Variants in LNX1 observed in about 807,000 individuals in gnomAD.
The protein encoded by LNX1 is E3 ubiquitin-protein ligase LNX.
Under a neutral mutation model 68.4 loss-of-function variants are expected in LNX1, and 54 were observed. That is an observed-to-expected ratio of 0.79 (90% CI 0.63 to 0.99). LNX1 has a LOEUF of 0.99. Among genes scored for constraint, LNX1 ranks in the 50% least tolerant of loss-of-function variants. The pLI, the probability that LNX1 is intolerant of heterozygous loss-of-function variation, is 0.00. For synonymous variants in LNX1, 336 were observed against 350.0 expected, an observed-to-expected ratio of 0.96 and a Z score of 0.45; for missense variants, 906 against 926.4, an observed-to-expected ratio of 0.98 and a Z score of 0.29.
In LNX1 at chr4:53,574,029, A is replaced by T; in HGVS notation, c.-27T>A. 6.3e-7 allele frequency: 1 copy of T among 1,579,930 alleles called. No homozygotes were observed. Among genetic ancestry groups the T allele is most frequent in the Non-Finnish European group, 8.6e-7 (1 of 1,161,738 alleles). ...ATGGATTGGAGAGCAGTATAACAGG[A>T]AACTCAGTCACACAATATTTCCTCA... On this transcript the variant is annotated 5_prime_UTR_variant, in exon 2 of 11. Transcript: ENST00000263925.
intron 2 of LNX1, among the ~76,000 whole-genome samples, chr4:53,606,364 C>G (rs1459644866): frequency 6.6e-6 from 1 of 152,082 alleles, no homozygotes; most frequent in Non-Finnish European, 1.5e-5. Context: ...AAACATACAA[C>G]CTCCCAAGAT....
At chr4:53,650,806 A>G (rs1735071239) in intron 1 of LNX1, among the ~76,000 whole-genome samples, 1 of 152,056 alleles carries the variant, frequency 6.6e-6, no homozygotes, top group Non-Finnish European at 1.5e-5. Context: ...CATTAGTTGC[A>G]CACAACTAAC....
At chr4:53,643,374 T>A (rs760427922) in intron 1 of LNX1, among the ~76,000 whole-genome samples, 1 of 152,008 alleles carries the variant, frequency 6.6e-6, no homozygotes. Flanking sequence ...GATCTCAAAC[T>A]CCCGGGCTCA....
At chr4:53,542,809 G>A (rs925787125) in intron 2 of LNX1, among the ~76,000 whole-genome samples, 17 of 152,134 alleles carry the variant, frequency 1.1e-4, no homozygotes, top group Non-Finnish European at 1.8e-4. Context: ...TTCGGAACAC[G>A]TGACCCAGAG....
intron 2 of LNX1, among the ~76,000 whole-genome samples, chr4:53,552,413 T>A (rs1316045563): frequency 6.6e-6 from 1 of 152,128 alleles, no homozygotes; most frequent in Non-Finnish European, 1.5e-5. Flanking sequence ...GGGAAGGAGA[T>A]GAAAAAACTC....
intron 2 of LNX1, among the ~76,000 whole-genome samples, chr4:53,568,086 A>G (rs1360533668): frequency 6.6e-6 from 1 of 152,162 alleles, no homozygotes; most frequent in Non-Finnish European, 1.5e-5. Context: ...AACTGGTACC[A>G]TTCCTTCTGA....
chr4:53,585,578 G>T (rs971637768), intron 1 of LNX1, among the ~76,000 whole-genome samples: 9 of 152,134 alleles, frequency 5.9e-5, no homozygotes, highest in African/African-American at 2.2e-4. Context: ...ATCTGAGTGG[G>T]TCCTAAATTC....
chr4:53,564,028 C>T (rs1272947571), intron 2 of LNX1, among the ~76,000 whole-genome samples: 8 of 152,224 alleles, frequency 5.3e-5, no homozygotes, highest in Admixed American at 2.6e-4. Context: ...GTGGGGGCAT[C>T]CTCTCCAGAG....
At position 53,461,232 on chromosome 4, in the gene LNX1, G is replaced by A. The variant is rs190375207; in HGVS notation, c.2052-190C>T. 2.5e-3 allele frequency among the ~76,000 whole-genome samples: 384 copies of A among 152,150 alleles called. 1 individual carries two copies. Among genetic ancestry groups the A allele is most frequent in the Admixed American group, 4.8e-3 (74 of 15,268 alleles). ...CTATCCATTCAGCTTGTGTTAGAAG[G>A]AATGCTAAAAGTATGGGGAGTTGTA... On this transcript the variant is annotated intron_variant, in intron 10 of 10. Coordinates refer to ENST00000263925, the MANE Select transcript of LNX1 (RefSeq NM_001126328.3).
At chr4:53,494,847 G>A (rs1185984304) in intron 6 of LNX1, among the ~76,000 whole-genome samples, 3 of 152,298 alleles carry the variant, frequency 2.0e-5, no homozygotes, top group East Asian at 3.9e-4. Context: ...CTTATGAAAC[G>A]TCGCTGAGAC....
At chr4:53,493,834 T>G (rs955042955) in intron 6 of LNX1, among the ~76,000 whole-genome samples, 3 of 152,232 alleles carry the variant, frequency 2.0e-5, no homozygotes, top group African/African-American at 7.2e-5. Flanking sequence ...GATCTTGCCC[T>G]TCTCTTTTCA....
At chr4:53,501,293 T>TA in intron 4 of LNX1, among the ~76,000 whole-genome samples, 1 of 35,116 alleles carries the variant, frequency 2.8e-5, no homozygotes, top group Non-Finnish European at 6.1e-5. Flanking sequence ...TTTTTTTTTT[T>TA]TTTTTTGGGG....
At chr4:53,648,367 G>T (rs1358106785) in intron 1 of LNX1, among the ~76,000 whole-genome samples, 2 of 152,182 alleles carry the variant, frequency 1.3e-5, no homozygotes, top group East Asian at 3.9e-4. Flanking sequence ...CATTAGTGAT[G>T]AGGATCTTTT....
intron 5 of LNX1, 132 bp from the exon 6 acceptor site, chr4:53,496,526 A>C: frequency 8.8e-7 from 1 of 1,137,958 alleles, no homozygotes; most frequent in Non-Finnish European, 1.2e-6. Flanking sequence ...CCTGTGTCCA[A>C]TAACCGCACC....
chr4:53,500,899 G>A (rs1485739841), intron 4 of LNX1, among the ~76,000 whole-genome samples: 1 of 152,114 alleles, frequency 6.6e-6, no homozygotes, highest in Admixed American at 6.6e-5. Flanking sequence ...AATCACAAAA[G>A]CCAATTTTCC....
At chr4:53,471,892 C>G (rs781049023) in intron 9 of LNX1, among the ~76,000 whole-genome samples, 3 of 152,158 alleles carry the variant, frequency 2.0e-5, no homozygotes, top group Non-Finnish European at 4.4e-5. Context: ...GTTGGTGGGA[C>G]TGTAAACTAG....
intron 2 of LNX1, among the ~76,000 whole-genome samples, chr4:53,615,420 C>G (rs1733649461): frequency 6.6e-6 from 1 of 152,092 alleles, no homozygotes; most frequent in Non-Finnish European, 1.5e-5. Context: ...CCACCCTTGC[C>G]CTCTTGGAAG....
Position 53,476,833 on chromosome 4 carries a change from T to C in LNX1, c.1812A>G (p.Pro604=), listed in dbSNP as rs749124201. The C allele has an allele frequency of 6.2e-7, 1 of 1,614,078 alleles. No individual in the cohort carries two copies. The highest frequency in any genetic ancestry group is 1.3e-5 in the African/African-American group (1 of 74,926). Reference sequence around the variant, plus strand: ...TGTTGTGGTTGGAGTCCAGGGCTGCTGGGCTGCTGCAGTCTTCCTGGGGCT... The same window carrying C: ...TGTTGTGGTTGGAGTCCAGGGCTGCCGGGCTGCTGCAGTCTTCCTGGGGCT... ...EYEPQEDCSS[P]AALDSNHNMA... Residue 604 remains proline (P), a synonymous_variant, in exon 9 of 11, where the codon CCA becomes CCG. Transcript: ENST00000263925.
chr4:53,632,167 G>A (rs1041993663), intron 1 of LNX1, among the ~76,000 whole-genome samples: 2 of 152,168 alleles, frequency 1.3e-5, no homozygotes, highest in Non-Finnish European at 2.9e-5. Context: ...TCCACTGCCT[G>A]AGGCTGGCCG....
Sources: allele counts gnomAD v4.1 joint callset (sites outside exome capture counted in the v4.1 genomes callset), GRCh38; gene constraint gnomAD v4.1.1; transcripts MANE v1.5; gene names NCBI Gene and HGNC (gene_info 2026-07-23, HGNC 2026-07-21).